Variants in CLSTN2 observed in about 807,000 individuals in gnomAD.
CLSTN2 encodes the protein calsyntenin-2.
A neutral mutation model predicts 101.2 loss-of-function variants in CLSTN2; 48 were observed. The ratio of observed to expected loss-of-function variants is 0.47; its 90% CI spans 0.38 to 0.60. The LOEUF (loss-of-function observed/expected upper bound fraction) is 0.60, where lower values mean the gene tolerates loss of function less well. Among genes scored for constraint, CLSTN2 ranks in the 20% least tolerant of loss-of-function variants. The pLI, the probability that CLSTN2 is intolerant of heterozygous loss-of-function variation, is 0.00. For synonymous variants in CLSTN2, 481 were observed against 463.6 expected (o/e 1.04, Z -0.48); for missense variants, 1,160 against 1,238.2 (o/e 0.94, Z 0.95).
At chr3:140,115,127 G>A (rs2107796448) in intron 1 of CLSTN2, among the ~76,000 whole-genome samples, 1 of 152,336 alleles carries the variant, frequency 6.6e-6, no homozygotes, top group East Asian at 1.9e-4. Context: ...TGAGGAAACT[G>A]AAGTTCCAAG....
At chr3:140,165,125 T>G (rs911290252) in intron 1 of CLSTN2, among the ~76,000 whole-genome samples, 1 of 152,186 alleles carries the variant, frequency 6.6e-6, no homozygotes, top group African/African-American at 2.4e-5. Flanking sequence ...CTGTGGATAT[T>G]TTTCATGTAT....
intron 2 of CLSTN2, among the ~76,000 whole-genome samples, chr3:140,310,245 G>C (rs1271930465): frequency 6.6e-6 from 1 of 152,032 alleles, no homozygotes; most frequent in Non-Finnish European, 1.5e-5. Context: ...AAAGACTTCA[G>C]TGAGCACCCA....
At chr3:140,368,957 G>A (rs114872594) in intron 2 of CLSTN2, among the ~76,000 whole-genome samples, 167 of 152,274 alleles carry the variant, frequency 1.1e-3, no homozygotes, top group African/African-American at 3.7e-3. Context: ...CAGTTAGAAA[G>A]GCAAGCAAAG....
chr3:140,197,778 T>C (rs1338693051), intron 2 of CLSTN2, among the ~76,000 whole-genome samples: 1 of 152,156 alleles, frequency 6.6e-6, no homozygotes, highest in Non-Finnish European at 1.5e-5. Context: ...AAAATGTCAA[T>C]AATGTTGAAG....
At chr3:140,355,171 T>TA (rs1447828557) in intron 2 of CLSTN2, among the ~76,000 whole-genome samples, 1 of 152,164 alleles carries the variant, frequency 6.6e-6, no homozygotes, top group Non-Finnish European at 1.5e-5. Flanking sequence ...TGTGCATGGA[T>TA]AAAAAAAGTA....
chr3:139,949,590 G>C (rs1295542537), intron 1 of CLSTN2, among the ~76,000 whole-genome samples: 5 of 152,152 alleles, frequency 3.3e-5, no homozygotes, highest in African/African-American at 1.2e-4. Flanking sequence ...GATAGCCCAG[G>C]GTCATGAGCC....
At chr3:140,230,749 T>A (rs765757827) in intron 2 of CLSTN2, among the ~76,000 whole-genome samples, 9 of 152,210 alleles carry the variant, frequency 5.9e-5, no homozygotes, top group Admixed American at 1.3e-4. Flanking sequence ...GGTATTTTGT[T>A]ATACCAGCCT....
At chr3:140,096,236 G>C (rs1390281783) in intron 1 of CLSTN2, among the ~76,000 whole-genome samples, 1 of 152,026 alleles carries the variant, frequency 6.6e-6, no homozygotes, top group East Asian at 1.9e-4. Flanking sequence ...AACAGCAGAG[G>C]GCATAACTAA....
Position 140,474,391 on chromosome 3 carries a change from C to T in CLSTN2, c.1344+7660C>T, listed in dbSNP as rs538043223. ...ACCCCCATTCACTGCTTGCTCCTGGCTTTTCACCAGGCCTGCTTCCTTATA... is the reference window on the plus strand; with the variant it reads ...ACCCCCATTCACTGCTTGCTCCTGGTTTTTCACCAGGCCTGCTTCCTTATA... On this transcript the variant is annotated intron_variant, in intron 8 of 16. Transcript: ENST00000458420. Among the ~76,000 whole-genome samples, 7 of 152,258 alleles carry T rather than the reference C, an allele frequency of 4.6e-5. No individual in the cohort carries two copies. In the East Asian group the frequency reaches 1.4e-3, roughly 29 times the overall value.
At chr3:140,060,837 T>C (rs1313871249) in intron 1 of CLSTN2, among the ~76,000 whole-genome samples, 7 of 152,242 alleles carry the variant, frequency 4.6e-5, no homozygotes. Flanking sequence ...GTGGGTGTGC[T>C]ATTTCTTTTA....
chr3:140,217,337 C>T (rs187375732), intron 2 of CLSTN2, among the ~76,000 whole-genome samples: 60 of 152,280 alleles, frequency 3.9e-4, no homozygotes, highest in African/African-American at 1.4e-3. Context: ...GACAAGGTAA[C>T]TAAGCACCTA....
chr3:139,955,208 C>T (rs963383225), intron 1 of CLSTN2, among the ~76,000 whole-genome samples: 1 of 144,178 alleles, frequency 6.9e-6, no homozygotes, highest in African/African-American at 2.6e-5. Flanking sequence ...GGGTGGCTGA[C>T]CCGTGCATTG....
chr3:140,195,389 T>A (rs187888146), intron 2 of CLSTN2, among the ~76,000 whole-genome samples: 1 of 152,276 alleles, frequency 6.6e-6, no homozygotes, highest in East Asian at 1.9e-4. Context: ...ATTTCTTGGG[T>A]CTCAAGGCCC....
intron 1 of CLSTN2, among the ~76,000 whole-genome samples, chr3:140,038,617 A>G (rs1309216698): frequency 6.6e-6 from 1 of 151,930 alleles, no homozygotes; most frequent in African/African-American, 2.4e-5. Flanking sequence ...AATTTTTGAG[A>G]TAAGGCTTCT....
At chr3:140,257,101 G>A (rs2086610375) in intron 2 of CLSTN2, among the ~76,000 whole-genome samples, 1 of 152,284 alleles carries the variant, frequency 6.6e-6, no homozygotes, top group East Asian at 1.9e-4. Context: ...AACTGAATCA[G>A]TGTTCACCAG....
At chr3:140,461,434 A>G (rs1488269340) in intron 7 of CLSTN2, 1 of 152,240 alleles carries the variant, frequency 6.6e-6, no homozygotes, top group African/African-American at 2.4e-5. Flanking sequence ...GGCCATGCAC[A>G]TATAGTCCTT....
intron 2 of CLSTN2, among the ~76,000 whole-genome samples, chr3:140,399,331 A>G (rs1349547768): frequency 6.6e-6 from 1 of 152,268 alleles, no homozygotes; most frequent in Non-Finnish European, 1.5e-5. Context: ...TGTATAAGAC[A>G]TAAGACAGCC....
intron 12 of CLSTN2, among the ~76,000 whole-genome samples, chr3:140,559,560 A>AGGGGGGGGGGG (rs1299690699): frequency 4.4e-5 from 6 of 135,572 alleles, no homozygotes; most frequent in Non-Finnish European, 6.3e-5. Flanking sequence ...GGCGGGGGTC[A>AGGGGGGGGGGG]GGGGGGCGGG....
Position 140,421,265 on chromosome 3 carries a change from G to A in CLSTN2, c.778G>A (p.Gly260Ser). The change falls in exon 5 of 17, where the codon GGC becomes AGC. Residue 260 changes from glycine to serine, a missense_variant. Transcript: ENST00000458420. ...GGATGTGAAGCCAGTTTGCAAGCCT[G>A]GCTGGCAAGGTGGGCCTGTTTTATC... ...QVDVKPVCKP[G>S]WQDWTKRIEY... The A allele has an allele frequency of 6.2e-7, 1 of 1,614,140 alleles. No individual in the cohort carries two copies. The highest frequency in any genetic ancestry group is 8.5e-7 in the Non-Finnish European group (1 of 1,180,008).
Sources: allele counts gnomAD v4.1 joint callset (sites outside exome capture counted in the v4.1 genomes callset), GRCh38; gene constraint gnomAD v4.1.1; transcripts MANE v1.5; gene names NCBI Gene and HGNC (gene_info 2026-07-23, HGNC 2026-07-21).